Variants in SLC38A1 observed in about 807,000 individuals in gnomAD.
SLC38A1 encodes the protein sodium-coupled neutral amino acid symporter 1.
In SLC38A1, 18 loss-of-function variants were observed where a neutral mutation model predicts 60.3. The ratio of observed to expected loss-of-function variants is 0.30; its 90% CI spans 0.21 to 0.44. The LOEUF (loss-of-function observed/expected upper bound fraction) is 0.44. Ranked by LOEUF, SLC38A1 falls within the 20% of genes least tolerant of loss-of-function variation. The pLI is 1.00. For synonymous variants in SLC38A1, 196 were observed against 212.1 expected, an observed-to-expected ratio of 0.92 and a Z score of 0.66; for missense variants, 448 against 587.2, an observed-to-expected ratio of 0.76 and a Z score of 2.45.
chr12:46,236,430 C>T lies in SLC38A1; in HGVS notation c.122+3249G>A, dbSNP rs576178493. On this transcript the variant is annotated intron_variant, in intron 3 of 16. Coordinates refer to ENST00000398637, the MANE Select transcript of SLC38A1 (RefSeq NM_030674.4). ...AACCTACAGATAATAGTGCATTAAA[C>T]ATTCCCCAACAATCCCATGAGGAAA... Among the ~76,000 whole-genome samples the T allele has an allele frequency of 3.3e-5, 5 of 152,252 alleles. No homozygotes were observed. In the South Asian group the frequency reaches 1.0e-3, roughly 32 times the overall value.
chr12:46,259,027 G>C (rs995488377), intron 1 of SLC38A1, among the ~76,000 whole-genome samples: 1 of 152,212 alleles, frequency 6.6e-6, no homozygotes, highest in African/African-American at 2.4e-5. Context: ...TTTGCTAAAA[G>C]AGTGGATTCT....
chr12:46,214,533 C>T (rs1332546872), intron 5 of SLC38A1, among the ~76,000 whole-genome samples: 1 of 152,114 alleles, frequency 6.6e-6, no homozygotes, highest in Non-Finnish European at 1.5e-5. Flanking sequence ...GCTGTGACAA[C>T]AAATAAAACC....
At chr12:46,195,422 T>A (rs1939325535) in intron 16 of SLC38A1, among the ~76,000 whole-genome samples, 1 of 152,244 alleles carries the variant, frequency 6.6e-6, no homozygotes, top group Admixed American at 6.5e-5. Context: ...GGAGGCAGTC[T>A]GTCTGTTCTT....
At chr12:46,250,025 A>G (rs901465050) in intron 1 of SLC38A1, among the ~76,000 whole-genome samples, 1 of 152,222 alleles carries the variant, frequency 6.6e-6, no homozygotes, top group African/African-American at 2.4e-5. Flanking sequence ...CCTGGTAGAC[A>G]CACAACAAAA....
chr12:46,194,280 G>A (rs1452083187), intron 16 of SLC38A1, among the ~76,000 whole-genome samples: 2 of 152,216 alleles, frequency 1.3e-5, no homozygotes, highest in Non-Finnish European at 2.9e-5. Context: ...CTTCTGGCTT[G>A]TAGGGTTTCT....
rs1941374507 is a variant in SLC38A1 at position 46,239,600 on chromosome 12, C to T, written c.122+79G>A. On this transcript the variant is annotated intron_variant, in intron 3 of 16. Transcript: ENST00000398637. ...TCAAATGATCCACCCACCTCGGCCTCCCAAAGTGATGGGATTACAGGTGTG... is the reference window on the plus strand; with the variant it reads ...TCAAATGATCCACCCACCTCGGCCTTCCAAAGTGATGGGATTACAGGTGTG... 3.2e-6 allele frequency: 5 copies of T among 1,551,036 alleles called. No individual in the cohort carries two copies. The South Asian group carries it at 5.6e-5, about 17-fold the overall frequency.
rs886308686 is a variant in SLC38A1 at position 46,188,756 on chromosome 12, AT to A, written c.*213del. On this transcript the variant is annotated 3_prime_UTR_variant, in exon 17 of 17. Coordinates refer to ENST00000398637, the MANE Select transcript of SLC38A1 (RefSeq NM_030674.4). ...TGATTGTATGAAATTTGAAAAAAAA[AT>A]TTCACAATCCCTAAATTGATCTCAA... is the stretch of plus-strand genomic sequence containing the variant. 166 of 417,310 alleles carry A rather than the reference AT, an allele frequency of 4.0e-4. 1 individual carries two copies. Among genetic ancestry groups the A allele is most frequent in the East Asian group, 2.5e-3 (69 of 27,892 alleles). 25.9% of individuals were successfully genotyped at this position (417,310 alleles called of 1,614,324 possible).
intron 3 of SLC38A1, among the ~76,000 whole-genome samples, chr12:46,238,921 C>T (rs1342254355): frequency 2.0e-5 from 3 of 151,620 alleles, no homozygotes; most frequent in Admixed American, 2.0e-4. Context: ...TATTTAAAAT[C>T]CATACTACAA....
rs537567014 is a variant in SLC38A1, at chr12:46,189,745, A to G, written c.1363-674T>C. ...GGGTCTTTCCCATGCTGTGCTTGTG[A>G]TAGTGAATAAATCTCATGAGATCTG... On this transcript the variant is annotated intron_variant, in intron 16 of 16. Coordinates refer to ENST00000398637, the MANE Select transcript of SLC38A1 (RefSeq NM_030674.4). 7.9e-5 allele frequency among the ~76,000 whole-genome samples: 12 copies of G among 152,146 alleles called. No homozygotes were observed. The East Asian group carries it at 2.1e-3, about 27-fold the overall frequency.
rs1290758250 is a variant in SLC38A1 at position 46,187,967 on chromosome 12, C to G, written c.*1003G>C. The G allele has an allele frequency of 6.6e-6, 1 of 152,020 alleles. No individual in the cohort carries two copies. Among genetic ancestry groups the G allele is most frequent in the Non-Finnish European group, 1.5e-5 (1 of 68,000 alleles). The allele number at this position is 152,020 out of a possible 1,614,324, so 9.4% of individuals were successfully genotyped here. A position where few individuals can be genotyped will look rare whatever the true frequency, so the allele number is the denominator to read the frequency against. ...ACAGGAGTTACTTATCCTAGATCAT[C>G]CTTAGTTAGGTACACATGATTCTCT... On this transcript the variant is annotated 3_prime_UTR_variant, in exon 17 of 17. Coordinates refer to ENST00000398637, the MANE Select transcript of SLC38A1 (RefSeq NM_030674.4).
chr12:46,196,367 A>G, intron 16 of SLC38A1: 1 of 1,483,732 alleles, frequency 6.7e-7, no homozygotes, highest in Admixed American at 2.1e-5. Context: ...GTCCTTACAC[A>G]GATGGAACCC....
At chr12:46,238,804 C>T (rs549610255) in intron 3 of SLC38A1, among the ~76,000 whole-genome samples, 1 of 152,336 alleles carries the variant, frequency 6.6e-6, no homozygotes, top group South Asian at 2.1e-4. Flanking sequence ...TACTTCTTCC[C>T]CATTGCTTCT....
In SLC38A1 at chr12:46,268,796, C is replaced by A. The variant is rs528149778; in HGVS notation, c.-479G>T. ...TCGCCTGGCTCTCCTCCTTTCCGGG[C>A]CGATTGCATCAGAATCTCCCCTCAC... On this transcript the variant is annotated 5_prime_UTR_variant, in exon 1 of 17. Transcript: ENST00000398637. This position sits in a 1 kb window ranked among gnomAD's most constrained non-coding sequence, Gnocchi z 4.4. 5.0e-6 allele frequency: 2 copies of A among 402,864 alleles called. No individual in the cohort carries two copies. The highest frequency in any genetic ancestry group is 1.0e-5 in the Non-Finnish European group (2 of 191,988). The allele number at this position is 402,864 out of a possible 1,614,324, so 25.0% of individuals were successfully genotyped here.
At chr12:46,194,715 G>A (rs532035716) in intron 16 of SLC38A1, among the ~76,000 whole-genome samples, 2 of 152,034 alleles carry the variant, frequency 1.3e-5, no homozygotes, top group African/African-American at 2.4e-5. Context: ...CCACTTGATC[G>A]AATCGGCTAT....
At chr12:46,252,166 G>A (rs999301744) in intron 1 of SLC38A1, among the ~76,000 whole-genome samples, 9 of 152,092 alleles carry the variant, frequency 5.9e-5, no homozygotes, top group Non-Finnish European at 1.0e-4. Flanking sequence ...CCATAAAAAA[G>A]GATGAGTTCA....
intron 1 of SLC38A1, among the ~76,000 whole-genome samples, chr12:46,249,214 G>A (rs1162478334): frequency 1.3e-5 from 2 of 150,146 alleles, no homozygotes; most frequent in East Asian, 3.9e-4. Context: ...TGGAAACTGA[G>A]CAACCTGCTC....
At chr12:46,234,844 C>T (rs2138112290) in intron 3 of SLC38A1, among the ~76,000 whole-genome samples, 1 of 152,272 alleles carries the variant, frequency 6.6e-6, no homozygotes, top group East Asian at 1.9e-4. Context: ...TTAAAAGATG[C>T]ACTTGCTTGT....
At chr12:46,263,628 C>T (rs1030675815) in intron 1 of SLC38A1, among the ~76,000 whole-genome samples, 12 of 152,128 alleles carry the variant, frequency 7.9e-5, no homozygotes, top group Admixed American at 3.3e-4. Context: ...CCTCTTTCTC[C>T]TATACCTTGG....
intron 5 of SLC38A1, among the ~76,000 whole-genome samples, chr12:46,217,304 C>T (rs1207746402): frequency 6.6e-6 from 1 of 152,114 alleles, no homozygotes; most frequent in Non-Finnish European, 1.5e-5. Context: ...GTTGCATTGT[C>T]TATCAAAGTC....
Sources: gnomAD v4.1 joint callset for allele counts (sites outside exome capture counted in the v4.1 genomes callset) on GRCh38, gnomAD v4.1.1 for gene constraint, Gnocchi (gnomAD v3.1) non-coding constraint, MANE v1.5 for transcripts, NCBI Gene and HGNC (gene_info 2026-07-23, HGNC 2026-07-21) for gene names.